Variants in KLHL4 observed in about 807,000 individuals in gnomAD.
The protein encoded by KLHL4 is kelch like family member 4.
A neutral mutation model predicts 45.8 loss-of-function variants in KLHL4; 17 were observed. The ratio of observed to expected loss-of-function variants is 0.37; its 90% CI spans 0.25 to 0.56. KLHL4 has a LOEUF of 0.56. KLHL4 is among the 20% of genes least tolerant of loss of function. The probability of loss-of-function intolerance (pLI) is 0.79; values close to 1 mark genes in which losing one functional copy is unlikely to be tolerated. For synonymous variants in KLHL4, 224 were observed against 189.9 expected (o/e 1.18, Z -1.47); for missense variants, 544 against 544.9 (o/e 1.00, Z 0.02).
intron 1 of KLHL4, among the ~76,000 whole-genome samples, chrX:87,542,873 G>C (rs185525156): frequency 1.1e-3 from 119 of 111,698 alleles, no homozygotes; most frequent in African/African-American, 3.7e-3. Flanking sequence ...GAAGGAGCCA[G>C]AGGCAGAATG....
intron 9 of KLHL4, among the ~76,000 whole-genome samples, chrX:87,653,551 C>T (rs1923890003): frequency 9.0e-6 from 1 of 111,618 alleles, no homozygotes; most frequent in South Asian, 3.7e-4. Flanking sequence ...TTAGTTCAGC[C>T]ATTGTAGAAG....
chrX:87,642,711 C>A (rs192535450), intron 9 of KLHL4, among the ~76,000 whole-genome samples: 5,678 of 111,905 alleles, frequency 0.051, 128 homozygotes, highest in Middle Eastern at 0.079. Flanking sequence ...AAAAAACAAT[C>A]AAAAATCCAG....
intron 1 of KLHL4, among the ~76,000 whole-genome samples, chrX:87,584,352 T>G (rs754363487): frequency 8.9e-6 from 1 of 111,864 alleles, no homozygotes; most frequent in African/African-American, 3.2e-5. Context: ...ATGACCTCAA[T>G]AAATGAACGA....
intron 1 of KLHL4, among the ~76,000 whole-genome samples, chrX:87,545,723 G>A (rs1464486290): frequency 8.9e-6 from 1 of 111,759 alleles, no homozygotes; most frequent in East Asian, 2.8e-4. Context: ...CAGTTTGGAG[G>A]GCTCAGAAGA....
intron 9 of KLHL4, among the ~76,000 whole-genome samples, chrX:87,661,584 C>T (rs942939676): frequency 9.0e-6 from 1 of 111,152 alleles, no homozygotes; most frequent in Non-Finnish European, 1.9e-5. Context: ...TTACACAAGC[C>T]ACTAAAAATA....
chrX:87,594,469 C>G (rs962956729), intron 1 of KLHL4, among the ~76,000 whole-genome samples: 1 of 111,609 alleles, frequency 9.0e-6, no homozygotes, highest in African/African-American at 3.3e-5. Context: ...TTCATCTGCC[C>G]TCATGTGTTA....
At chrX:87,565,199 C>G (rs1259518040) in intron 1 of KLHL4, among the ~76,000 whole-genome samples, 2 of 109,075 alleles carry the variant, frequency 1.8e-5, no homozygotes, top group Non-Finnish European at 3.8e-5. Context: ...TAAACACCTA[C>G]GTGAAAAAGA....
chrX:87,668,357 G>A lies in KLHL4; in HGVS notation c.*1823G>A. 2 of 753,818 alleles carry A rather than the reference G, an allele frequency of 2.7e-6. No individual in the cohort carries two copies. The highest frequency in any genetic ancestry group is 3.1e-6 in the Non-Finnish European group (2 of 638,883). 62.1% of individuals were successfully genotyped at this position (753,818 alleles called of 1,213,427 possible). The stretch of plus-strand genomic sequence containing the variant: ...TACCAATAGGCAGACTGTGTCTAGA[G>A]TCATGCATGGACAAGAGGAAAGTGA... On this transcript the variant is annotated 3_prime_UTR_variant, in exon 11 of 11. Coordinates refer to ENST00000373119, the MANE Select transcript of KLHL4 (RefSeq NM_019117.5).
At position 87,668,225 on chromosome X, in the gene KLHL4, C is replaced by A. The variant is rs1924437271; in HGVS notation, c.*1691C>A. ...GTAGAGTTACCTAAACCTTTATCGC[C>A]AATGCACAGCTTGGCCTGTTAAGTT... On this transcript the variant is annotated 3_prime_UTR_variant, in exon 11 of 11. Coordinates refer to ENST00000373119, the MANE Select transcript of KLHL4 (RefSeq NM_019117.5). The A allele has an allele frequency of 1.5e-5, 11 of 751,716 alleles. No individual in the cohort carries two copies. Among genetic ancestry groups the A allele is most frequent in the Non-Finnish European group, 1.7e-5 (11 of 638,425 alleles). 61.9% of individuals were successfully genotyped at this position (751,716 alleles called of 1,213,427 possible).
intron 3 of KLHL4, among the ~76,000 whole-genome samples, chrX:87,614,846 A>T (rs1922503759): frequency 9.0e-6 from 1 of 111,121 alleles, no homozygotes; most frequent in African/African-American, 3.3e-5. Flanking sequence ...GAGAGCAGAC[A>T]ACTATTTAAC....
At chrX:87,653,247 C>A (rs1923877129) in intron 9 of KLHL4, among the ~76,000 whole-genome samples, 1 of 111,791 alleles carries the variant, frequency 8.9e-6, no homozygotes. Context: ...TTTCAATTTT[C>A]TGCATATGGG....
chrX:87,602,787 A>G (rs1429817264), intron 1 of KLHL4, among the ~76,000 whole-genome samples: 1 of 111,714 alleles, frequency 9.0e-6, no homozygotes, highest in East Asian at 2.8e-4. Context: ...AAATGAAAGC[A>G]GGTTCTAGAG....
chrX:87,613,321 C>T (rs188779506), intron 1 of KLHL4, among the ~76,000 whole-genome samples: 41 of 111,410 alleles, frequency 3.7e-4, no homozygotes, highest in African/African-American at 1.2e-3. Flanking sequence ...AATTCAATAG[C>T]TATCACGTTT....
In KLHL4 at chrX:87,664,686, C is replaced by T. The variant is rs952038305; in HGVS notation, c.1926-78C>T. ...TAATCCTATGTTTCAGATAGGTATA[C>T]ATTTTAAGAATGTCTGTTATTTTCA... On this transcript the variant is annotated intron_variant, in intron 9 of 10. Coordinates refer to ENST00000373119, the MANE Select transcript of KLHL4 (RefSeq NM_019117.5). 140 of 636,069 alleles carry T rather than the reference C, an allele frequency of 2.2e-4. 1 individual carries two copies. In the African/African-American group the frequency reaches 2.8e-3, roughly 13 times the overall value. The allele number at this position is 636,069 out of a possible 1,213,427, so 52.4% of individuals were successfully genotyped here. A position where few individuals can be genotyped will look rare whatever the true frequency, so the allele number is the denominator to read the frequency against.
At chrX:87,599,106 C>A (rs1056800423) in intron 1 of KLHL4, among the ~76,000 whole-genome samples, 1 of 109,327 alleles carries the variant, frequency 9.1e-6, no homozygotes, top group African/African-American at 3.3e-5. Context: ...AATAATATAG[C>A]AACATTCTTC....
chrX:87,519,790 A>C (rs1421487919), intron 1 of KLHL4, among the ~76,000 whole-genome samples: 3 of 112,185 alleles, frequency 2.7e-5, no homozygotes, highest in Non-Finnish European at 5.6e-5. Context: ...AGATTAATAA[A>C]TGAATTTAAC....
chrX:87,647,556 A>G (rs1426866868), intron 9 of KLHL4, among the ~76,000 whole-genome samples: 1 of 112,332 alleles, frequency 8.9e-6, no homozygotes, highest in East Asian at 2.8e-4. Flanking sequence ...TCAGACATAA[A>G]AAGGAATGAA....
At chrX:87,648,109 T>G (rs768440961) in intron 9 of KLHL4, among the ~76,000 whole-genome samples, 1 of 110,980 alleles carries the variant, frequency 9.0e-6, no homozygotes, top group East Asian at 2.8e-4. Context: ...ATGACTAGTG[T>G]GTATCTTGGT....
chrX:87,574,597 CT>C (rs34199947), intron 1 of KLHL4, among the ~76,000 whole-genome samples: 2 of 111,209 alleles, frequency 1.8e-5, no homozygotes, highest in African/African-American at 6.5e-5. Context: ...AATCGCCTCA[CT>C]TTTTTTGAAA....
Sources: allele counts gnomAD v4.1 joint callset (sites outside exome capture counted in the v4.1 genomes callset), GRCh38; gene constraint gnomAD v4.1.1; transcripts MANE v1.5; gene names NCBI Gene and HGNC (gene_info 2026-07-23, HGNC 2026-07-21).